KAT14: variants seen among roughly 807,000 people sequenced by gnomAD.
KAT14 encodes cysteine-rich protein 2-binding protein.
Under a neutral mutation model 78.4 loss-of-function variants are expected in KAT14, and 66 were observed. The observed-to-expected ratio is 0.84, with a 90% CI of 0.69 to 1.03. The LOEUF is 1.03. KAT14 is among the 50% of genes least tolerant of loss of function. The pLI, the probability that KAT14 is intolerant of heterozygous loss-of-function variation, is 0.00. For synonymous variants in KAT14, 344 were observed against 359.4 expected, an observed-to-expected ratio of 0.96 and a Z score of 0.48; for missense variants, 870 against 972.5, an observed-to-expected ratio of 0.89 and a Z score of 1.40.
intron 4 of KAT14, among the ~76,000 whole-genome samples, 153 bp downstream of exon 4, chr20:18,151,095 G>T (rs149392972): frequency 0.036 from 5,435 of 152,242 alleles, 168 homozygotes; most frequent in African/African-American, 0.083. Flanking sequence ...CATGACCATA[G>T]CTCACTGCAT....
chr20:18,179,112 G>A (rs1297119302), intron 7 of KAT14, among the ~76,000 whole-genome samples: 1 of 152,216 alleles, frequency 6.6e-6, no homozygotes, highest in Non-Finnish European at 1.5e-5. Context: ...TCACACTGAT[G>A]CAAAAGGTAG....
Position 18,142,366 on chromosome 20 carries a change from TG to T in KAT14, c.-294del, listed in dbSNP as rs1600214121. ...GATCTCAAAAATCATGACTTGAATG[TG>T]AAATATCTGTTGGACAGACAACACG... On this transcript the variant is annotated 5_prime_UTR_variant, in exon 2 of 11. The change abolishes the stop of an existing upstream ORF in the 5' untranslated region. Transcript: ENST00000688188. The T allele has an allele frequency of 6.5e-6, 10 of 1,535,172 alleles. 1 individual carries two copies. The East Asian group carries it at 2.4e-4, about 38-fold the overall frequency.
At chr20:18,176,171 G>A (rs948176997) in intron 7 of KAT14, among the ~76,000 whole-genome samples, 1 of 151,894 alleles carries the variant, frequency 6.6e-6, no homozygotes, top group Non-Finnish European at 1.5e-5. Flanking sequence ...GCATGCTGGC[G>A]CGTGCCTGTA....
chr20:18,185,976 C>T (rs1487089685), intron 10 of KAT14, among the ~76,000 whole-genome samples: 1 of 152,188 alleles, frequency 6.6e-6, no homozygotes, highest in Non-Finnish European at 1.5e-5. Context: ...ATTTCTACAA[C>T]ACTCCCTTTC....
chr20:18,165,330 T>C (rs2146448040), intron 7 of KAT14, among the ~76,000 whole-genome samples: 1 of 152,320 alleles, frequency 6.6e-6, no homozygotes, highest in Middle Eastern at 3.4e-3. Flanking sequence ...GTCATTGTTG[T>C]GGACTGAATT....
chr20:18,138,069 G>T lies in KAT14; in HGVS notation c.-454+18G>T, dbSNP rs2037360681. On this transcript the variant is annotated intron_variant, in intron 1 of 10. Coordinates refer to ENST00000688188, the MANE Select transcript of KAT14 (RefSeq NM_001392073.1). ...ACCAGCAGGTCGGTGTCACGTGACC[G>T]TCTCTTCCGGGCCCGCGCGCGCGGC... 6.8e-7 allele frequency: 1 copy of T among 1,460,496 alleles called. No homozygotes were observed. The highest frequency in any genetic ancestry group is 2.5e-5 in the Admixed American group (1 of 39,290). 90.5% of individuals were successfully genotyped at this position (1,460,496 alleles called of 1,614,324 possible).
At chr20:18,159,360 C>A in intron 5 of KAT14, 95 bp downstream of exon 5, 1 of 1,418,412 alleles carries the variant, frequency 7.1e-7, no homozygotes, top group Non-Finnish European at 9.5e-7. Context: ...GGGCATGGCT[C>A]GCAGGCCTCT....
rs1243791324 is a variant in KAT14, at chr20:18,142,456, T to G, written c.-205T>G. Reference sequence around the variant, plus strand: ...TATCTTCATCTTTTTTTTTGGTCACTGTCCTTTTAAACTTGATCAAATAAA... The same window carrying G: ...TATCTTCATCTTTTTTTTTGGTCACGGTCCTTTTAAACTTGATCAAATAAA... On this transcript the variant is annotated 5_prime_UTR_variant, in exon 2 of 11. Transcript: ENST00000688188. The G allele has an allele frequency of 3.4e-6, 5 of 1,460,810 alleles. No homozygotes were observed. The highest frequency in any genetic ancestry group is 4.5e-6 in the Non-Finnish European group (5 of 1,112,300). The allele number at this position is 1,460,810 out of a possible 1,614,324, so 90.5% of individuals were successfully genotyped here.
intron 7 of KAT14, among the ~76,000 whole-genome samples, chr20:18,179,763 A>G (rs1389542366): frequency 6.6e-6 from 1 of 152,208 alleles, no homozygotes; most frequent in Non-Finnish European, 1.5e-5. Flanking sequence ...TCCTCAAAAA[A>G]TAGGTTTTTC....
intron 1 of KAT14, among the ~76,000 whole-genome samples, chr20:18,141,038 T>A (rs1424230928): frequency 3.2e-4 from 10 of 31,600 alleles, no homozygotes; most frequent in East Asian, 1.1e-3. Flanking sequence ...TTTTTTTTTT[T>A]TTTTTTTTAT....
chr20:18,159,682 C>T (rs59250128), intron 5 of KAT14, among the ~76,000 whole-genome samples: 20,759 of 152,160 alleles, frequency 0.14, 2,039 homozygotes, highest in African/African-American at 0.27. Context: ...CTTCCCCATT[C>T]TTACAATTGG....
chr20:18,139,365 A>C lies in KAT14; in HGVS notation c.-454+1314A>C, dbSNP rs576233247. ...ATGACAGATGATCTGACGTCAGTGA[A>C]GTGATGTTTGAAGGGTTTGGGTAGG... On this transcript the variant is annotated intron_variant, in intron 1 of 10. Coordinates refer to ENST00000688188, the MANE Select transcript of KAT14 (RefSeq NM_001392073.1). 2.1e-4 allele frequency among the ~76,000 whole-genome samples: 32 copies of C among 152,314 alleles called. No homozygotes were observed. In the South Asian group the frequency reaches 6.0e-3, roughly 29 times the overall value.
chr20:18,174,766 C>T (rs1010921491), intron 7 of KAT14, among the ~76,000 whole-genome samples: 1 of 151,286 alleles, frequency 6.6e-6, no homozygotes, highest in African/African-American at 2.4e-5. Context: ...TGGGTTCAAG[C>T]AGTTCTCCTG....
intron 7 of KAT14, among the ~76,000 whole-genome samples, chr20:18,180,266 G>A (rs750507227): frequency 4.6e-5 from 7 of 152,084 alleles, no homozygotes; most frequent in Non-Finnish European, 7.4e-5. Context: ...TCTAGGGCAG[G>A]GCAAAATGCC....
At chr20:18,153,477 T>C (rs527280933) in intron 4 of KAT14, among the ~76,000 whole-genome samples, 1 of 152,328 alleles carries the variant, frequency 6.6e-6, no homozygotes, top group Admixed American at 6.5e-5. Context: ...AAATTGGATC[T>C]TGGAATGTTT....
At chr20:18,177,254 C>G (rs1378826386) in intron 7 of KAT14, among the ~76,000 whole-genome samples, 1 of 152,162 alleles carries the variant, frequency 6.6e-6, no homozygotes, top group Non-Finnish European at 1.5e-5. Context: ...CCAGGAGAGC[C>G]TCTCTTCCTC....
chr20:18,166,477 A>G (rs1362129685), intron 7 of KAT14, among the ~76,000 whole-genome samples: 1 of 152,232 alleles, frequency 6.6e-6, no homozygotes, highest in Admixed American at 6.5e-5. Context: ...GGCTTAACAA[A>G]GAGTTATTAG....
At chr20:18,177,885 G>A (rs1339993349) in intron 7 of KAT14, among the ~76,000 whole-genome samples, 1 of 152,136 alleles carries the variant, frequency 6.6e-6, no homozygotes, top group African/African-American at 2.4e-5. Context: ...AGCTCTTGGG[G>A]TTTGAAATGA....
intron 1 of KAT14, 146 bp from the exon 2 acceptor site, chr20:18,142,062 G>A: frequency 2.5e-6 from 2 of 803,996 alleles, no homozygotes; most frequent in Non-Finnish European, 3.7e-6. Context: ...TTTTACATTT[G>A]TACAGAAAAT....
Sources: allele counts gnomAD v4.1 joint callset (sites outside exome capture counted in the v4.1 genomes callset), GRCh38; gene constraint gnomAD v4.1.1; transcripts MANE v1.5; gene names NCBI Gene and HGNC (gene_info 2026-07-23, HGNC 2026-07-21).